FRMD7: variants seen among roughly 807,000 people sequenced by gnomAD.
FRMD7 encodes FERM domain containing 7, also known as FERM domain-containing protein 7.
Under a neutral mutation model 44.1 loss-of-function variants are expected in FRMD7, and 14 were observed. That is an observed-to-expected ratio of 0.32 (90% CI 0.21 to 0.50). FRMD7 has a LOEUF of 0.50. Among genes scored for constraint, FRMD7 ranks in the 20% least tolerant of loss-of-function variants. The pLI is 0.99. For synonymous variants in FRMD7, 212 were observed against 187.4 expected, an observed-to-expected ratio of 1.13 and a Z score of -1.07; for missense variants, 501 against 522.3, an observed-to-expected ratio of 0.96 and a Z score of 0.40.
intron 1 of FRMD7, among the ~76,000 whole-genome samples, chrX:132,113,952 C>T (rs1928840470): frequency 1.2e-5 from 1 of 85,749 alleles, no homozygotes; most frequent in Admixed American, 1.4e-4. Context: ...CACTACTCTT[C>T]CTAGCCTCTG....
At chrX:132,090,232 C>G (rs1400958291) in intron 5 of FRMD7, among the ~76,000 whole-genome samples, 1 of 110,374 alleles carries the variant, frequency 9.1e-6, no homozygotes, top group Non-Finnish European at 1.9e-5. Context: ...CAAAAATTAG[C>G]CGGGCGTGGT....
At chrX:132,121,115 G>C (rs1438307353) in intron 1 of FRMD7, among the ~76,000 whole-genome samples, 1 of 111,779 alleles carries the variant, frequency 8.9e-6, no homozygotes, top group Non-Finnish European at 1.9e-5. Context: ...GGGGCAGGCT[G>C]TTTAGGCAGG....
Position 132,078,836 on chromosome X carries a change from T to C in FRMD7, c.1181A>G (p.Glu394Gly). The stretch of plus-strand genomic sequence containing the variant: ...GGGATCCGCCTCTGGTTTGGAATGC[T>C]CCAGCTCAGTTGCAAATGTCACCTC... The part of the protein sequence containing the change: ...ALEVTFATEL[E>G]HSKPEADPTL... Residue 394 changes from glutamate (E) to glycine (G), a missense_variant, in exon 12 of 12, where the codon GAG becomes GGG. Glu to Gly is a moderately conservative substitution (Grantham distance 98). This residue lies in a region of FRMD7 where 453 missense variants were observed against 452.7 expected (regional missense o/e 1.00). Coordinates refer to ENST00000298542, the MANE Select transcript of FRMD7 (RefSeq NM_194277.3). 8.3e-7 allele frequency: 1 copy of C among 1,210,269 alleles called. No individual in the cohort carries two copies. The highest frequency in any genetic ancestry group is 1.1e-6 in the Non-Finnish European group (1 of 894,317).
intron 1 of FRMD7, among the ~76,000 whole-genome samples, chrX:132,119,886 G>A (rs1297857107): frequency 9.0e-6 from 1 of 111,105 alleles, no homozygotes; most frequent in African/African-American, 3.3e-5. Context: ...AACTGTTAAG[G>A]GTGGTTCTCT....
chrX:132,106,913 C>G (rs964226967), intron 1 of FRMD7, among the ~76,000 whole-genome samples: 1 of 111,661 alleles, frequency 9.0e-6, no homozygotes, highest in Non-Finnish European at 1.9e-5. Context: ...GAAAAGATCA[C>G]TATTGGGTAC....
rs374979538 is a variant in FRMD7 at position 132,103,414 on chromosome X, G to A, written c.58-2698C>T. 2.5e-4 allele frequency among the ~76,000 whole-genome samples: 28 copies of A among 110,601 alleles called. No homozygotes were observed. In the South Asian group the frequency reaches 5.4e-3, roughly 21 times the overall value. On this transcript the variant is annotated intron_variant, in intron 1 of 11. Transcript: ENST00000298542. ...AGCAGATCTAAATTCTTTACCACCC[G>A]TCAGTCCTCCCACTGAAGGAATTGG...
intron 1 of FRMD7, among the ~76,000 whole-genome samples, chrX:132,123,730 T>G (rs946564402): frequency 8.9e-6 from 1 of 112,379 alleles, no homozygotes; most frequent in East Asian, 2.8e-4. Context: ...CCCAAGGGAA[T>G]CAGGTGAGCT....
intron 1 of FRMD7, among the ~76,000 whole-genome samples, chrX:132,127,467 T>A (rs751839433): frequency 2.9e-4 from 32 of 112,084 alleles, no homozygotes; most frequent in African/African-American, 1.0e-3. Flanking sequence ...CCCACAGACA[T>A]AATTTCAATG....
intron 1 of FRMD7, among the ~76,000 whole-genome samples, chrX:132,109,802 A>G (rs1928733432): frequency 8.9e-6 from 1 of 111,902 alleles, no homozygotes; most frequent in African/African-American, 3.3e-5. Flanking sequence ...TAGCCAGCGG[A>G]AAGAAGAAGA....
rs1602797278 is a variant in FRMD7 at position 132,084,516 on chromosome X, G to A, written c.715C>T (p.Leu239Phe). The change falls in exon 8 of 12, where the codon CTC becomes TTC. Residue 239 changes from leucine to phenylalanine, a missense_variant. Leu to Phe is a conservative substitution (Grantham distance 22). This residue lies in a region of FRMD7 where 453 missense variants were observed against 452.7 expected (regional missense o/e 1.00). Transcript: ENST00000298542. ...RKLSFKRKHF[L>F]IKLHANILVL... ...AAGATATTGGCATGAAGTTTGATGA[G>A]AAAATGCTTTCTCTTAAAACTCAAC... is the stretch of plus-strand genomic sequence containing the variant. The A allele has an allele frequency of 8.5e-7, 1 of 1,177,552 alleles. No homozygotes were observed. The highest frequency in any genetic ancestry group is 3.0e-5 in the East Asian group (1 of 33,663).
intron 5 of FRMD7, among the ~76,000 whole-genome samples, chrX:132,089,792 A>G (rs1038779877): frequency 3.6e-5 from 4 of 112,203 alleles, no homozygotes; most frequent in African/African-American, 1.3e-4. Flanking sequence ...GATACTTTAT[A>G]CCCATTAGAA....
chrX:132,114,194 G>C (rs1928846374), intron 1 of FRMD7, among the ~76,000 whole-genome samples: 1 of 111,564 alleles, frequency 9.0e-6, no homozygotes, highest in South Asian at 3.7e-4. Context: ...AAGCCATGCT[G>C]TTCTGACAGG....
chrX:132,102,946 G>A (rs375284642), intron 1 of FRMD7, among the ~76,000 whole-genome samples: 2 of 111,869 alleles, frequency 1.8e-5, no homozygotes, highest in Admixed American at 9.4e-5. Flanking sequence ...GCTTCCTTCC[G>A]TAAGATCCCA....
intron 1 of FRMD7, among the ~76,000 whole-genome samples, chrX:132,105,562 A>T (rs1409457691): frequency 8.9e-6 from 1 of 112,178 alleles, no homozygotes; most frequent in Non-Finnish European, 1.9e-5. Context: ...GGAAATCCTA[A>T]GCAAAAAGAA....
intron 4 of FRMD7, 31 bp downstream of exon 4, chrX:132,097,232 ACAT>A (rs1163322546): frequency 1.6e-5 from 15 of 942,559 alleles, no homozygotes; most frequent in Non-Finnish European, 2.3e-5. Flanking sequence ...TTCTTAAGTA[ACAT>A]CATGCAGAGA....
chrX:132,082,159 G>T (rs931702212), intron 9 of FRMD7, among the ~76,000 whole-genome samples: 6 of 111,899 alleles, frequency 5.4e-5, no homozygotes, highest in Non-Finnish European at 9.4e-5. Flanking sequence ...CTACCCCTTA[G>T]GTAAGGTGCC....
rs1569339084 is a variant in FRMD7 at position 132,077,958 on chromosome X, C to G, written c.2059G>C (p.Asp687His). Reference sequence around the variant, plus strand: ...AAATAAGCATCTTCATCTTCTTCATCTAACTGTAGACTACCAGAAGACAGG... The same window carrying G: ...AAATAAGCATCTTCATCTTCTTCATGTAACTGTAGACTACCAGAAGACAGG... Reference protein sequence around the residue: ...IRLSSGSLQLDEEDEDAYFNT... With the variant: ...IRLSSGSLQLHEEDEDAYFNT... Residue 687 changes from aspartate to histidine, a missense_variant, in exon 12 of 12, where the codon GAT becomes CAT. Asp to His is a moderately conservative substitution (Grantham distance 81, BLOSUM62 -1). Transcript: ENST00000298542. The G allele has an allele frequency of 1.7e-6, 2 of 1,211,499 alleles. No homozygotes were observed. The highest frequency in any genetic ancestry group is 3.5e-5 in the South Asian group (2 of 56,989).
At position 132,104,687 on chromosome X, in the gene FRMD7, C is replaced by T. The variant is rs761867644; in HGVS notation, c.58-3971G>A. Among the ~76,000 whole-genome samples the T allele has an allele frequency of 3.0e-3, 336 of 111,074 alleles. 1 individual carries two copies. Among genetic ancestry groups the T allele is most frequent in the African/African-American group, 9.3e-3 (285 of 30,533 alleles). On this transcript the variant is annotated intron_variant, in intron 1 of 11. Coordinates refer to ENST00000298542, the MANE Select transcript of FRMD7 (RefSeq NM_194277.3). ...CAGCCTGGGCGACAGAGCAAGACTCCGTCTCAAAAAACCAAAAAAACAAAA... is the reference window on the plus strand; with the variant it reads ...CAGCCTGGGCGACAGAGCAAGACTCTGTCTCAAAAAACCAAAAAAACAAAA...
chrX:132,106,421 G>C (rs920611811), intron 1 of FRMD7, among the ~76,000 whole-genome samples: 1 of 112,006 alleles, frequency 8.9e-6, no homozygotes, highest in African/African-American at 3.2e-5. Flanking sequence ...ATACACTGTT[G>C]GTGGGAGTGT....
Sources: allele counts gnomAD v4.1 joint callset (sites outside exome capture counted in the v4.1 genomes callset), GRCh38; gene constraint gnomAD v4.1.1; regional missense constraint gnomAD v4.1.1; transcripts MANE v1.5; gene names NCBI Gene and HGNC (gene_info 2026-07-23, HGNC 2026-07-21).